The following TRPM1 variants were observed in gnomAD, a reference collection of about 807,000 sequenced individuals.
The protein encoded by TRPM1 is transient receptor potential cation channel subfamily M member 1.
Under a neutral mutation model 149.4 loss-of-function variants are expected in TRPM1, and 113 were observed. The observed-to-expected ratio is 0.76, with a 90% confidence interval of 0.65 to 0.88. The LOEUF (loss-of-function observed/expected upper bound fraction) is 0.88. TRPM1 is among the 40% of genes least tolerant of loss of function. TRPM1 has a pLI of 0.00. For synonymous variants in TRPM1, 741 were observed against 759.5 expected (o/e 0.98, Z 0.40); for missense variants, 1,976 against 2,038.7 (o/e 0.97, Z 0.59).
chr15:31,075,074 G>A (rs1018464444), intron 3 of TRPM1, among the ~76,000 whole-genome samples: 13 of 152,100 alleles, frequency 8.5e-5, no homozygotes, highest in African/African-American at 3.1e-4. Context: ...ATATTTTGAG[G>A]CTTTTTAATG....
At chr15:31,160,786 C>A in intron 1 of TRPM1, 1 of 1,129,484 alleles carries the variant, frequency 8.9e-7, no homozygotes, top group South Asian at 1.3e-5. Flanking sequence ...CATGCCCACC[C>A]AGCACAGTTT....
intron 14 of TRPM1, 28 bp downstream of exon 14, chr15:31,047,861 G>C: frequency 1.3e-6 from 2 of 1,589,270 alleles, no homozygotes; most frequent in Non-Finnish European, 1.7e-6. Context: ...GATGCCAACA[G>C]GTAAGAATTG....
rs2036110290 is a variant in TRPM1, at chr15:31,137,886, T to C, written c.54+23020A>G. Among the ~76,000 whole-genome samples the C allele has an allele frequency of 2.0e-5, 3 of 152,136 alleles. No individual in the cohort carries two copies. In the South Asian group the frequency reaches 6.2e-4, roughly 32 times the overall value. On this transcript the variant is annotated intron_variant, in intron 1 of 26. Coordinates refer to the TRPM1 transcript ENST00000542188. The stretch of plus-strand genomic sequence containing the variant: ...AGAGCTCAGAGCCATAGTTTAAAAT[T>C]TTCCTAAACCTAGAAAAAACCTACG...
At chr15:31,068,423 G>A (rs185911500) in intron 4 of TRPM1, among the ~76,000 whole-genome samples, 82 of 152,188 alleles carry the variant, frequency 5.4e-4, no homozygotes, top group Non-Finnish European at 9.9e-4. Flanking sequence ...TGGATCCCTC[G>A]TGAGTGGGAC....
At chr15:31,131,169 C>G (rs1186181764) in intron 1 of TRPM1, among the ~76,000 whole-genome samples, 1 of 152,122 alleles carries the variant, frequency 6.6e-6, no homozygotes, top group Non-Finnish European at 1.5e-5. Context: ...CTTCATCCAG[C>G]CTATCTGTGT....
At chr15:31,065,938 G>T in intron 7 of TRPM1, 138 bp downstream of exon 7, 1 of 1,041,914 alleles carries the variant, frequency 9.6e-7, no homozygotes, top group Non-Finnish European at 1.4e-6. Flanking sequence ...AAGACATCTA[G>T]GTGAGTCATT....
At chr15:31,074,233 C>T (rs1342039961) in intron 3 of TRPM1, among the ~76,000 whole-genome samples, 5 of 152,038 alleles carry the variant, frequency 3.3e-5, no homozygotes, top group Non-Finnish European at 7.4e-5. Flanking sequence ...GAAATGTTCC[C>T]TTCTCTGCTA....
chr15:31,070,810 C>G (rs1271652025), intron 3 of TRPM1, among the ~76,000 whole-genome samples: 1 of 152,184 alleles, frequency 6.6e-6, no homozygotes, highest in Non-Finnish European at 1.5e-5. Flanking sequence ...CTGCCTTGGC[C>G]TCCCAAAGTT....
At chr15:31,113,721 T>G (rs563632596) in intron 1 of TRPM1, among the ~76,000 whole-genome samples, 5 of 152,318 alleles carry the variant, frequency 3.3e-5, no homozygotes, top group African/African-American at 1.2e-4. Context: ...GGTGGATTTC[T>G]GGTCCCACCG....
chr15:31,057,937 T>C (rs1186326551), intron 11 of TRPM1, among the ~76,000 whole-genome samples: 1 of 152,218 alleles, frequency 6.6e-6, no homozygotes, highest in Admixed American at 6.5e-5. Context: ...GTGTAAGATG[T>C]GCCTTTGCTT....
Position 31,113,535 on chromosome 15 carries a change from T to A in TRPM1, c.55-36551A>T, listed in dbSNP as rs537067390. 1.1e-4 allele frequency among the ~76,000 whole-genome samples: 16 copies of A among 151,746 alleles called. No homozygotes were observed. The South Asian group carries it at 3.3e-3, about 32-fold the overall frequency. On this transcript the variant is annotated intron_variant, in intron 1 of 26. Coordinates refer to the TRPM1 transcript ENST00000542188. ...TTTCCAAACTGTCAAAAAACATTTT[T>A]CTTTGTACTCCTAAAATGTTTTTTT...
At chr15:31,048,496 T>C (rs562886160) in intron 13 of TRPM1, among the ~76,000 whole-genome samples, 1 of 152,168 alleles carries the variant, frequency 6.6e-6, no homozygotes, top group South Asian at 2.1e-4. Context: ...CACAATATAG[T>C]GTTAATAATT....
At chr15:31,015,377 C>T (rs980408274) in intron 27 of TRPM1, among the ~76,000 whole-genome samples, 13 of 151,334 alleles carry the variant, frequency 8.6e-5, no homozygotes, top group Non-Finnish European at 1.8e-4. Flanking sequence ...ATGCCATTGC[C>T]CTCCAGCCTG....
chr15:31,119,663 C>G (rs2035850882), intron 1 of TRPM1, among the ~76,000 whole-genome samples: 1 of 149,380 alleles, frequency 6.7e-6, no homozygotes, highest in Admixed American at 6.7e-5. Flanking sequence ...ATAATAACAA[C>G]AATGTATTTG....
At position 31,047,210 on chromosome 15, in the gene TRPM1, G is replaced by T. The variant is rs566714475; in HGVS notation, c.1665C>A (p.Ile555=). 13 of 1,614,096 alleles carry T rather than the reference G, an allele frequency of 8.1e-6. No individual in the cohort carries two copies. Among genetic ancestry groups the T allele is most frequent in the South Asian group, 2.2e-5 (2 of 91,082 alleles). The change falls in exon 15 of 28, where the codon ATC becomes ATA. Residue 555 remains isoleucine, a synonymous_variant. Coordinates refer to ENST00000256552, the MANE Select transcript of TRPM1 (RefSeq NM_001252024.2). ...PPDYHISLID[I]GLVLEYLMGG... The stretch of plus-strand genomic sequence containing the variant: ...CCATGAGGTACTCCAGCACGAGCCC[G>T]ATGTCTATGAGGCTGATGTGGTAAT...
At chr15:31,142,624 A>G (rs1202034323) in intron 1 of TRPM1, among the ~76,000 whole-genome samples, 1 of 152,192 alleles carries the variant, frequency 6.6e-6, no homozygotes, top group Non-Finnish European at 1.5e-5. Flanking sequence ...ATGAATGACT[A>G]TTATTTCACA....
At chr15:31,094,402 A>ATTCAT (rs2035323111) in intron 1 of TRPM1, among the ~76,000 whole-genome samples, 1 of 152,204 alleles carries the variant, frequency 6.6e-6, no homozygotes, top group Non-Finnish European at 1.5e-5. Context: ...TCATCAAAGG[A>ATTCAT]CATTATTAAG....
rs182243665 is a variant in TRPM1 at position 31,095,859 on chromosome 15, C to T, written c.-84+5798G>A. Among the ~76,000 whole-genome samples, 17 of 151,848 alleles carry T rather than the reference C, an allele frequency of 1.1e-4. No individual in the cohort carries two copies. The East Asian group carries it at 2.9e-3, about 26-fold the overall frequency. On this transcript the variant is annotated intron_variant, in intron 1 of 27. Coordinates refer to ENST00000256552, the MANE Select transcript of TRPM1 (RefSeq NM_001252024.2). ...AGGAGTTCGAGACCAGCCTGGCCAACGTGGTGAAACCCCATCGCTACTAAA... is the reference window on the plus strand; with the variant it reads ...AGGAGTTCGAGACCAGCCTGGCCAATGTGGTGAAACCCCATCGCTACTAAA...
At chr15:31,092,281 G>A (rs962073066) in intron 1 of TRPM1, among the ~76,000 whole-genome samples, 7 of 152,118 alleles carry the variant, frequency 4.6e-5, no homozygotes, top group African/African-American at 1.7e-4. Flanking sequence ...ACAGAATAAA[G>A]GTGTGGTGTC....
Sources: allele counts gnomAD v4.1 joint callset (sites outside exome capture counted in the v4.1 genomes callset), GRCh38; gene constraint gnomAD v4.1.1; transcripts MANE v1.5; gene names NCBI Gene and HGNC (gene_info 2026-07-23, HGNC 2026-07-21).